IL1RAPL1: variants seen among roughly 807,000 people sequenced by gnomAD.
IL1RAPL1 encodes interleukin-1 receptor accessory protein-like 1.
In IL1RAPL1, 3 loss-of-function variants were observed where a neutral mutation model predicts 48.4. That is an observed-to-expected ratio of 0.06 (90% CI 0.03 to 0.16). The LOEUF (loss-of-function observed/expected upper bound fraction) is 0.16, where lower values mean the gene tolerates loss of function less well. Among genes scored for constraint, IL1RAPL1 ranks in the 10% least tolerant of loss-of-function variants. IL1RAPL1 has a pLI of 1.00. For synonymous variants in IL1RAPL1, 185 were observed against 187.7 expected, an observed-to-expected ratio of 0.99 and a Z score of 0.12; for missense variants, 349 against 530.6, an observed-to-expected ratio of 0.66 and a Z score of 3.36.
intron 8 of IL1RAPL1, among the ~76,000 whole-genome samples, chrX:29,925,421 T>TTTTTG (rs1932879876): frequency 5.0e-5 from 1 of 20,144 alleles, no homozygotes; most frequent in African/African-American, 1.5e-4. Context: ...TGTTTTTTTT[T>TTTTTG]TTTTTTTTTT....
At chrX:28,978,559 T>C (rs1007421106) in intron 2 of IL1RAPL1, among the ~76,000 whole-genome samples, 8 of 112,081 alleles carry the variant, frequency 7.1e-5, no homozygotes, top group African/African-American at 9.7e-5. Context: ...TGCCTTGCTT[T>C]AGTACTTTTT....
chrX:29,662,887 T>C (rs1925888984), intron 5 of IL1RAPL1, among the ~76,000 whole-genome samples: 1 of 112,009 alleles, frequency 8.9e-6, no homozygotes, highest in South Asian at 3.7e-4. Flanking sequence ...ACTCCGTGGT[T>C]AGTCACCACA....
intron 2 of IL1RAPL1, among the ~76,000 whole-genome samples, chrX:29,022,509 A>G (rs1926394425): frequency 8.9e-6 from 1 of 112,189 alleles, no homozygotes; most frequent in East Asian, 2.8e-4. Context: ...AAAAGTAGAT[A>G]TTGAGAAAAT....
At chrX:29,510,055 T>C (rs933814622) in intron 5 of IL1RAPL1, among the ~76,000 whole-genome samples, 1 of 112,466 alleles carries the variant, frequency 8.9e-6, no homozygotes, top group Non-Finnish European at 1.9e-5. Context: ...CAAATGTGAA[T>C]CTGTAAAGTA....
rs375202511 is a variant in IL1RAPL1, at chrX:28,879,830, C to T, written c.82+90405C>T. Among the ~76,000 whole-genome samples, 21 of 111,839 alleles carry T rather than the reference C, an allele frequency of 1.9e-4. No individual in the cohort carries two copies. In the South Asian group the frequency reaches 5.9e-3, roughly 32 times the overall value. On this transcript the variant is annotated intron_variant, in intron 2 of 10. Transcript: ENST00000378993. ...TTGAGGCAGAGAAAAATGCTCTATA[C>T]AGTTTCAAACAGATATGTATTTTGT...
chrX:28,759,797 A>C (rs1487669794), intron 1 of IL1RAPL1, among the ~76,000 whole-genome samples: 2 of 111,781 alleles, frequency 1.8e-5, no homozygotes, highest in Non-Finnish European at 3.8e-5. Context: ...GTATGGAAGG[A>C]TTAGGGTGAA....
At chrX:29,038,485 TTTGG>T (rs1390275874) in intron 2 of IL1RAPL1, among the ~76,000 whole-genome samples, 3 of 111,750 alleles carry the variant, frequency 2.7e-5, no homozygotes, top group African/African-American at 9.8e-5. Flanking sequence ...AAATTAGTGG[TTTGG>T]TTTTCAACAT....
chrX:28,867,239 A>G (rs1922098494), intron 2 of IL1RAPL1, among the ~76,000 whole-genome samples: 1 of 111,770 alleles, frequency 8.9e-6, no homozygotes, highest in South Asian at 3.7e-4. Flanking sequence ...TGAAATATCG[A>G]TGGTGGGACT....
intron 3 of IL1RAPL1, among the ~76,000 whole-genome samples, chrX:29,313,284 T>C (rs1602165374): frequency 1.1e-5 from 1 of 88,636 alleles, no homozygotes; most frequent in Non-Finnish European, 2.6e-5. Flanking sequence ...TGTGTGTGTG[T>C]GTGCGCGCGC....
chrX:29,133,912 A>G (rs959151591), intron 2 of IL1RAPL1, among the ~76,000 whole-genome samples: 29 of 111,694 alleles, frequency 2.6e-4, no homozygotes, highest in African/African-American at 9.1e-4. Flanking sequence ...TTGCCTCTCA[A>G]GAATGTCATA....
rs778402885 is a variant in IL1RAPL1, at chrX:28,615,199, G to GTTTTTTTTTTTTTTT, written c.-25+27173_-25+27187dup. Among the ~76,000 whole-genome samples, 5 of 26,056 alleles carry GTTTTTTTTTTTTTTT rather than the reference G, an allele frequency of 1.9e-4. 1 individual carries two copies. Among genetic ancestry groups the GTTTTTTTTTTTTTTT allele is most frequent in the African/African-American group, 5.7e-4 (4 of 7,051 alleles). The allele number at this position is 26,056 out of a possible 115,157, so 22.6% of individuals were successfully genotyped here. On this transcript the variant is annotated intron_variant, in intron 1 of 10. Transcript: ENST00000378993. ...CACTGCGCCTGGCCAACTGTTGTCT[G>GTTTTTTTTTTTTTTT]TTTTTTTTTTTTTTTTTTTTTTTTT...
At chrX:29,401,851 A>G (rs1933997125) in intron 5 of IL1RAPL1, among the ~76,000 whole-genome samples, 1 of 111,203 alleles carries the variant, frequency 9.0e-6, no homozygotes, top group Admixed American at 9.6e-5. Context: ...GATCACAGTG[A>G]AAGGAATTAT....
chrX:28,697,615 C>T (rs925931013), intron 1 of IL1RAPL1, among the ~76,000 whole-genome samples: 7 of 111,378 alleles, frequency 6.3e-5, no homozygotes, highest in African/African-American at 2.0e-4. Context: ...CATAATTTAT[C>T]ATGTTCCCAC....
In IL1RAPL1 at chrX:29,371,126, C is replaced by CTTTT. The variant is rs1168566971; in HGVS notation, c.363-25112_363-25109dup. Among the ~76,000 whole-genome samples the CTTTT allele has an allele frequency of 8.8e-4, 50 of 56,703 alleles. 1 individual carries two copies. Among genetic ancestry groups the CTTTT allele is most frequent in the African/African-American group, 1.1e-3 (15 of 13,606 alleles). 49.2% of individuals were successfully genotyped at this position (56,703 alleles called of 115,157 possible). A position where few individuals can be genotyped will look rare whatever the true frequency, so the allele number is the denominator to read the frequency against. Reference sequence around the variant, plus strand: ...AACTTATTTCTCCTATCTAAATGTACTTTTTTTTTTTTTTTTTTTTTTTGA... The same window carrying CTTTT: ...AACTTATTTCTCCTATCTAAATGTACTTTTTTTTTTTTTTTTTTTTTTTTTTTGA... On this transcript the variant is annotated intron_variant, in intron 3 of 10. Coordinates refer to ENST00000378993, the MANE Select transcript of IL1RAPL1 (RefSeq NM_014271.4).
Position 29,142,092 on chromosome X carries a change from A to G in IL1RAPL1, c.83-140846A>G, listed in dbSNP as rs150931398. On this transcript the variant is annotated intron_variant, in intron 2 of 10. Transcript: ENST00000378993. The stretch of plus-strand genomic sequence containing the variant: ...AACCTTTGATTTTTATATTTATTCC[A>G]TTTTTCTCTGACAGAGTATGGATGA... Among the ~76,000 whole-genome samples the G allele has an allele frequency of 2.0e-3, 219 of 111,804 alleles. 1 individual carries two copies. The highest frequency in any genetic ancestry group is 6.9e-3 in the African/African-American group (214 of 30,868).
At chrX:29,647,052 A>G (rs958304143) in intron 5 of IL1RAPL1, among the ~76,000 whole-genome samples, 1 of 112,421 alleles carries the variant, frequency 8.9e-6, no homozygotes, top group African/African-American at 3.2e-5. Flanking sequence ...TACAAAGTCA[A>G]ATTAAGAATA....
At chrX:29,696,090 A>C (rs1926904777) in intron 6 of IL1RAPL1, among the ~76,000 whole-genome samples, 1 of 111,371 alleles carries the variant, frequency 9.0e-6, no homozygotes, top group Admixed American at 9.6e-5. Flanking sequence ...CACTACTGAC[A>C]TTTTGTGCTT....
intron 2 of IL1RAPL1, among the ~76,000 whole-genome samples, chrX:29,249,868 A>G (rs1028149145): frequency 2.7e-5 from 3 of 111,592 alleles, no homozygotes; most frequent in Non-Finnish European, 3.8e-5. Context: ...TAAGGTACCA[A>G]TTGCCAAAAC....
intron 2 of IL1RAPL1, among the ~76,000 whole-genome samples, chrX:28,800,267 A>T (rs777996067): frequency 8.9e-6 from 1 of 112,217 alleles, no homozygotes; most frequent in East Asian, 2.8e-4. Context: ...AAAATCCAGC[A>T]TGATCTCATT....
Sources: allele counts gnomAD v4.1 joint callset (sites outside exome capture counted in the v4.1 genomes callset), GRCh38; gene constraint gnomAD v4.1.1; transcripts MANE v1.5; gene names NCBI Gene and HGNC (gene_info 2026-07-23, HGNC 2026-07-21).